GPD2: variants seen among roughly 807,000 people sequenced by gnomAD.
The protein encoded by GPD2 is glycerol-3-phosphate dehydrogenase 2.
A neutral mutation model predicts 82.4 loss-of-function variants in GPD2; 54 were observed. The ratio of observed to expected loss-of-function variants is 0.66; its 90% CI spans 0.53 to 0.82. The LOEUF is 0.82. Among genes scored for constraint, GPD2 ranks in the 40% least tolerant of loss-of-function variants. The pLI, the probability that GPD2 is intolerant of heterozygous loss-of-function variation, is 0.00. For missense variants in GPD2, 748 were observed against 896.2 expected, an observed-to-expected ratio of 0.83 and a Z score of 2.11; for synonymous variants, 288 against 306.1, an observed-to-expected ratio of 0.94 and a Z score of 0.62.
chr2:156,452,053 G>A (rs1573881749), intron 1 of GPD2, among the ~76,000 whole-genome samples: 2 of 150,654 alleles, frequency 1.3e-5, no homozygotes. Context: ...GGGCAGAGAC[G>A]CTCCTCACTT....
chr2:156,429,949 A>G, the GPD2 span, among the ~76,000 whole-genome samples: 1 of 152,144 alleles, frequency 6.6e-6, no homozygotes, highest in Non-Finnish European at 1.5e-5. Flanking sequence ...AGTTTTGTTT[A>G]TTGGTAAGTA....
the GPD2 span, among the ~76,000 whole-genome samples, chr2:156,401,237 C>G: frequency 3.3e-5 from 5 of 152,162 alleles, no homozygotes; most frequent in Admixed American, 3.3e-4. Context: ...ATGTGCTTTT[C>G]TATTGCTTAC....
intron 2 of GPD2, among the ~76,000 whole-genome samples, chr2:156,493,857 G>A (rs1684269525): frequency 1.3e-5 from 2 of 151,246 alleles, no homozygotes; most frequent in Admixed American, 6.6e-5. Context: ...CATCTGAATG[G>A]CCATAGCCTG....
intron 7 of GPD2, among the ~76,000 whole-genome samples, chr2:156,550,247 A>G (rs1206488266): frequency 6.6e-6 from 1 of 152,214 alleles, no homozygotes; most frequent in East Asian, 1.9e-4. Flanking sequence ...TCTATGATAT[A>G]CATTTTCTCA....
intron 2 of GPD2, among the ~76,000 whole-genome samples, chr2:156,492,208 C>A (rs1684206719): frequency 8.6e-6 from 1 of 115,760 alleles, no homozygotes; most frequent in Non-Finnish European, 1.6e-5. Context: ...GGCTGGAGTG[C>A]AGTGGTGTGA....
intron 6 of GPD2, among the ~76,000 whole-genome samples, chr2:156,541,824 G>GTTTT (rs61067726): frequency 0.25 from 20,746 of 81,508 alleles, 3,552 homozygotes; most frequent in East Asian, 0.35. Context: ...AATGCTGTTT[G>GTTTT]TTTTTTTTTT....
chr2:156,521,659 C>G (rs992248123), intron 6 of GPD2, among the ~76,000 whole-genome samples: 2 of 152,130 alleles, frequency 1.3e-5, no homozygotes, highest in Non-Finnish European at 2.9e-5. Context: ...GCCAAACATT[C>G]TTAGGATAAA....
At chr2:156,406,821 T>G in the GPD2 span, among the ~76,000 whole-genome samples, 68 of 152,340 alleles carry the variant, frequency 4.5e-4, no homozygotes, top group African/African-American at 1.6e-3. Context: ...CTTCTTCTTC[T>G]TCCCAAGTTA....
chr2:156,400,871 T>C, the GPD2 span, among the ~76,000 whole-genome samples: 1 of 152,194 alleles, frequency 6.6e-6, no homozygotes, highest in African/African-American at 2.4e-5. Context: ...TTATTTTTTC[T>C]CCTTTCCTGT....
intron 1 of GPD2, among the ~76,000 whole-genome samples, chr2:156,451,970 AG>A (rs944284660): frequency 1.4e-5 from 2 of 147,606 alleles, no homozygotes; most frequent in Non-Finnish European, 3.0e-5. Context: ...GGCGGGGCAG[AG>A]GCGCTCCCCA....
chr2:156,438,238 T>C (rs896353034), intron 1 of GPD2, among the ~76,000 whole-genome samples: 1 of 152,206 alleles, frequency 6.6e-6, no homozygotes, highest in African/African-American at 2.4e-5. Flanking sequence ...ACTTTGGCCT[T>C]AGGTCATCTT....
At chr2:156,470,726 G>A (rs1367573913) in intron 1 of GPD2, among the ~76,000 whole-genome samples, 2 of 152,210 alleles carry the variant, frequency 1.3e-5, no homozygotes, top group Non-Finnish European at 2.9e-5. Context: ...GAAATAGGAT[G>A]TGAGGAGTTG....
chr2:156,453,451 T>G (rs1466584815), intron 1 of GPD2, among the ~76,000 whole-genome samples: 1 of 152,118 alleles, frequency 6.6e-6, no homozygotes, highest in Non-Finnish European at 1.5e-5. Context: ...GTGTTTACAG[T>G]GTAGGGTGCT....
At chr2:156,559,117 A>C (rs559410468) in intron 9 of GPD2, among the ~76,000 whole-genome samples, 5 of 152,172 alleles carry the variant, frequency 3.3e-5, no homozygotes, top group Admixed American at 1.3e-4. Context: ...TCATCTTGGC[A>C]AAATTTTTAT....
intron 1 of GPD2, among the ~76,000 whole-genome samples, chr2:156,457,281 G>A (rs943560872): frequency 6.6e-6 from 1 of 152,136 alleles, no homozygotes; most frequent in South Asian, 2.1e-4. Context: ...CAATGACTTG[G>A]GTTAACTCAG....
chr2:156,454,836 C>T lies in GPD2; in HGVS notation c.-9+18323C>T, dbSNP rs564344149. ...ATTGGGTAGGTACCATGTGGCAGCTCCTGTTGCTTAGTGGCCAGGGGTGAG... is the reference window on the plus strand; with the variant it reads ...ATTGGGTAGGTACCATGTGGCAGCTTCTGTTGCTTAGTGGCCAGGGGTGAG... On this transcript the variant is annotated intron_variant, in intron 1 of 16. Transcript: ENST00000438166. Among the ~76,000 whole-genome samples, 14 of 152,086 alleles carry T rather than the reference C, an allele frequency of 9.2e-5. No individual in the cohort carries two copies. In the South Asian group the frequency reaches 2.7e-3, roughly 29 times the overall value.
chr2:156,462,344 G>A (rs1206245782), intron 1 of GPD2, among the ~76,000 whole-genome samples: 1 of 151,792 alleles, frequency 6.6e-6, no homozygotes, highest in African/African-American at 2.4e-5. Flanking sequence ...GGAGTCCAAT[G>A]GCGTGATCTC....
At chr2:156,495,443 T>C (rs1684334005) in intron 2 of GPD2, 1 of 226,608 alleles carries the variant, frequency 4.4e-6, no homozygotes, top group Non-Finnish European at 9.8e-6. Context: ...TGGAAGTCTT[T>C]GACTAAATTT....
At chr2:156,404,668 C>T in the GPD2 span, among the ~76,000 whole-genome samples, 2 of 140,252 alleles carry the variant, frequency 1.4e-5, no homozygotes, top group Admixed American at 7.4e-5. Flanking sequence ...TGTGAAACCC[C>T]GTCTCTATTA....
Sources: allele counts gnomAD v4.1 joint callset (sites outside exome capture counted in the v4.1 genomes callset), GRCh38; gene constraint gnomAD v4.1.1; transcripts MANE v1.5; gene names NCBI Gene and HGNC (gene_info 2026-07-23, HGNC 2026-07-21).